The following MAP4K3 variants were observed in gnomAD, a reference collection of about 807,000 sequenced individuals.
MAP4K3 encodes the protein mitogen-activated protein kinase kinase kinase kinase 3, also known as MAPK/ERK kinase kinase kinase 3.
A neutral mutation model predicts 143.5 loss-of-function variants in MAP4K3; 94 were observed. The observed-to-expected ratio is 0.65, with a 90% confidence interval of 0.55 to 0.78. The LOEUF (loss-of-function observed/expected upper bound fraction) is 0.78, where lower values mean the gene tolerates loss of function less well. Among genes scored for constraint, MAP4K3 ranks in the 30% least tolerant of loss-of-function variants. The pLI is 0.00. For synonymous variants in MAP4K3, 416 were observed against 347.2 expected (o/e 1.20, Z -2.20); for missense variants, 1,077 against 1,068.1 (o/e 1.01, Z -0.12).
chr2:39,299,853 T>C (rs760307358), intron 15 of MAP4K3, 52 bp from the exon 16 acceptor site: 3 of 823,750 alleles, frequency 3.6e-6, no homozygotes, highest in East Asian at 2.7e-5. Context: ...TGACACACCA[T>C]GATACATTAA....
At chr2:39,254,612 T>C (rs1680276280) in intron 31 of MAP4K3, 92 bp from the exon 32 acceptor site, 3 of 865,744 alleles carry the variant, frequency 3.5e-6, no homozygotes, top group Admixed American at 4.1e-5. Flanking sequence ...CAGCAATATT[T>C]CAATTCACAA....
chr2:39,387,440 T>A (rs1338654265), intron 1 of MAP4K3, among the ~76,000 whole-genome samples: 4 of 152,186 alleles, frequency 2.6e-5, no homozygotes, highest in Non-Finnish European at 2.9e-5. Context: ...AGCATACAGA[T>A]CCTATACGTA....
intron 12 of MAP4K3, among the ~76,000 whole-genome samples, chr2:39,318,989 G>T (rs1453889322): frequency 6.6e-6 from 1 of 152,016 alleles, no homozygotes; most frequent in African/African-American, 2.4e-5. Flanking sequence ...ACATTTTTTT[G>T]TTGTCACAAC....
At chr2:39,350,634 T>G (rs183196488) in intron 3 of MAP4K3, among the ~76,000 whole-genome samples, 1 of 152,280 alleles carries the variant, frequency 6.6e-6, no homozygotes, top group East Asian at 1.9e-4. Context: ...CCCAGTTTTA[T>G]ATAACTCAAG....
At chr2:39,381,859 C>A (rs1326381637) in intron 1 of MAP4K3, among the ~76,000 whole-genome samples, 1 of 152,152 alleles carries the variant, frequency 6.6e-6, no homozygotes, top group Admixed American at 6.5e-5. Context: ...AGACATCCTT[C>A]GAAGCTCAGC....
At chr2:39,310,499 C>T (rs1682903382) in intron 13 of MAP4K3, among the ~76,000 whole-genome samples, 1 of 152,162 alleles carries the variant, frequency 6.6e-6, no homozygotes, top group African/African-American at 2.4e-5. Flanking sequence ...CCCATTGATA[C>T]ACATATAGGT....
intron 8 of MAP4K3, among the ~76,000 whole-genome samples, chr2:39,327,207 C>G (rs932051572): frequency 6.6e-6 from 1 of 152,180 alleles, no homozygotes; most frequent in Admixed American, 6.5e-5. Context: ...GTTTTTACTT[C>G]ACCAAAACTA....
intron 13 of MAP4K3, among the ~76,000 whole-genome samples, chr2:39,311,331 G>A (rs1032405164): frequency 2.0e-5 from 3 of 152,026 alleles, no homozygotes; most frequent in East Asian, 1.9e-4. Context: ...CGCCCGCCTC[G>A]GCCTCCTAAA....
At chr2:39,308,438 G>C (rs1447712701) in intron 14 of MAP4K3, among the ~76,000 whole-genome samples, 1 of 152,012 alleles carries the variant, frequency 6.6e-6, no homozygotes, top group Admixed American at 6.6e-5. Context: ...TAACTATAAG[G>C]TAAAGGCTAA....
At position 39,274,772 on chromosome 2, in the gene MAP4K3, T is replaced by C. The variant is rs532130006; in HGVS notation, c.1795-2230A>G. On this transcript the variant is annotated intron_variant, in intron 24 of 33. Transcript: ENST00000263881. ...TGTAAAACAGAATACCTGTATCTCA[T>C]AGAGCTGAATAGTAATTAAACAAGA... Among the ~76,000 whole-genome samples the C allele has an allele frequency of 4.6e-5, 7 of 152,330 alleles. No homozygotes were observed. The South Asian group carries it at 1.5e-3, about 32-fold the overall frequency.
At chr2:39,401,162 G>C (rs1361413011) in intron 1 of MAP4K3, among the ~76,000 whole-genome samples, 2 of 152,110 alleles carry the variant, frequency 1.3e-5, no homozygotes, top group Non-Finnish European at 2.9e-5. Context: ...AATGAAGAAA[G>C]CTAGAATTCG....
intron 3 of MAP4K3, 182 bp downstream of exon 3, chr2:39,356,067 C>G (rs995676336): frequency 4.1e-6 from 2 of 492,824 alleles, no homozygotes; most frequent in African/African-American, 4.0e-5. Flanking sequence ...AGTCATACGA[C>G]TGCAATATTG....
intron 29 of MAP4K3, 131 bp from the exon 30 acceptor site, chr2:39,258,718 A>C: frequency 1.4e-6 from 1 of 710,792 alleles, no homozygotes; most frequent in Non-Finnish European, 2.5e-6. Context: ...ACATGTAGTG[A>C]CTGAGCCAGG....
At position 39,437,120 on chromosome 2, in the gene MAP4K3, GGCC is replaced by G. The variant is rs78310928; in HGVS notation, c.-136_-134del. On this transcript the variant is annotated 5_prime_UTR_variant, in exon 1 of 34. Coordinates refer to ENST00000263881, the MANE Select transcript of MAP4K3 (RefSeq NM_003618.4). ...TCACAATCACCCGGCTCCACGCTGC[GGCC>G]GCCGCCGCCGCCGCCGCTCCCCTCA... The G allele has an allele frequency of 3.7e-3, 1,864 of 508,942 alleles. 13 individuals are homozygous for G. The highest frequency in any genetic ancestry group is 0.022 in the African/African-American group (1,087 of 48,754). 31.5% of individuals were successfully genotyped at this position (508,942 alleles called of 1,614,324 possible). A position where few individuals can be genotyped will look rare whatever the true frequency, so the allele number is the denominator to read the frequency against.
At chr2:39,302,297 G>A (rs969940116) in intron 15 of MAP4K3, among the ~76,000 whole-genome samples, 4 of 152,064 alleles carry the variant, frequency 2.6e-5, no homozygotes, top group Non-Finnish European at 4.4e-5. Flanking sequence ...CTTAAATTAT[G>A]TTATAGCAAC....
At chr2:39,321,480 G>A (rs1389566688) in intron 12 of MAP4K3, among the ~76,000 whole-genome samples, 1 of 152,164 alleles carries the variant, frequency 6.6e-6, no homozygotes, top group African/African-American at 2.4e-5. Context: ...CCTCCGCCTA[G>A]GAAAGCCAGG....
Position 39,250,587 on chromosome 2 carries a change from T to C in MAP4K3, c.*31A>G, listed in dbSNP as rs1183779535. On this transcript the variant is annotated 3_prime_UTR_variant, in exon 34 of 34. Transcript: ENST00000263881. Reference sequence around the variant, plus strand: ...TGTTGCAGTGGTAGTGTTCTTTCTTTCTAGAGTTAACTGTCAAAGCACAAC... The same window carrying C: ...TGTTGCAGTGGTAGTGTTCTTTCTTCCTAGAGTTAACTGTCAAAGCACAAC... 6.3e-7 allele frequency: 1 copy of C among 1,594,236 alleles called. No individual in the cohort carries two copies. The highest frequency in any genetic ancestry group is 2.2e-5 in the East Asian group (1 of 44,748).
chr2:39,360,692 A>C (rs1479915351), intron 2 of MAP4K3, among the ~76,000 whole-genome samples: 1 of 152,180 alleles, frequency 6.6e-6, no homozygotes, highest in Admixed American at 6.5e-5. Context: ...CAATCATGGC[A>C]GAGGGGGAAG....
Position 39,309,776 on chromosome 2 carries a change from T to C in MAP4K3, c.998-257A>G, listed in dbSNP as rs538484642. On this transcript the variant is annotated intron_variant, in intron 13 of 33. Coordinates refer to ENST00000263881, the MANE Select transcript of MAP4K3 (RefSeq NM_003618.4). ...GGTTTCACCATGTTAGCCAGGATGG[T>C]CTCGATCCCCTGACCTCGTGATCCA... is the stretch of plus-strand genomic sequence containing the variant. Among the ~76,000 whole-genome samples, 5 of 151,888 alleles carry C rather than the reference T, an allele frequency of 3.3e-5. No homozygotes were observed. The East Asian group carries it at 5.8e-4, about 18-fold the overall frequency.
Sources: gnomAD v4.1 joint callset for allele counts (sites outside exome capture counted in the v4.1 genomes callset) on GRCh38, gnomAD v4.1.1 for gene constraint, MANE v1.5 for transcripts, NCBI Gene and HGNC (gene_info 2026-07-23, HGNC 2026-07-21) for gene names.